Variants in BABAM2 observed in about 807,000 individuals in gnomAD.
The protein encoded by BABAM2 is BRISC and BRCA1 A complex member 2.
A neutral mutation model predicts 54.7 loss-of-function variants in BABAM2; 31 were observed. The observed-to-expected ratio is 0.57, with a 90% CI of 0.43 to 0.77. BABAM2 has a LOEUF of 0.77. Among genes scored for constraint, BABAM2 ranks in the 30% least tolerant of loss-of-function variants. The probability of loss-of-function intolerance (pLI) is 0.00; values close to 1 mark genes in which losing one functional copy is unlikely to be tolerated. For missense variants in BABAM2, 364 were observed against 455.8 expected, an observed-to-expected ratio of 0.80 and a Z score of 1.83; for synonymous variants, 167 against 162.9, an observed-to-expected ratio of 1.03 and a Z score of -0.19.
At chr2:28,068,420 T>C (rs1250773975) in intron 6 of BABAM2, among the ~76,000 whole-genome samples, 1 of 152,164 alleles carries the variant, frequency 6.6e-6, no homozygotes, top group Non-Finnish European at 1.5e-5. Context: ...AATACTGAGT[T>C]TATAACTCTG....
chr2:28,066,036 G>A (rs1012730342), intron 6 of BABAM2, among the ~76,000 whole-genome samples: 1 of 150,220 alleles, frequency 6.7e-6, no homozygotes. Flanking sequence ...ACACATGCCT[G>A]TAGTCCCAGC....
intron 3 of BABAM2, among the ~76,000 whole-genome samples, chr2:27,972,969 T>C (rs1671331896): frequency 6.6e-6 from 1 of 151,938 alleles, no homozygotes; most frequent in South Asian, 2.1e-4. Flanking sequence ...GATTTCATCA[T>C]GTTGGCCAGG....
chr2:28,196,321 C>CGTCTCAAAAAAAA lies in BABAM2; in HGVS notation c.681-40881_681-40880insGTCTCAAAAAAAA, dbSNP rs1360883175. Reference sequence around the variant, plus strand: ...CAGCCTGGGCAACAGAGCAAGACTCCATATAAAAAAAAAATGAATTTTTTA... The same window carrying CGTCTCAAAAAAAA: ...CAGCCTGGGCAACAGAGCAAGACTCCGTCTCAAAAAAAAATATAAAAAAAAAATGAATTTTTTA... On this transcript the variant is annotated intron_variant, in intron 7 of 11. Coordinates refer to ENST00000379624, the MANE Select transcript of BABAM2 (RefSeq NM_199191.3). Among the ~76,000 whole-genome samples, 6 of 107,684 alleles carry CGTCTCAAAAAAAA rather than the reference C, an allele frequency of 5.6e-5. 1 individual carries two copies. Among genetic ancestry groups the CGTCTCAAAAAAAA allele is most frequent in the Non-Finnish European group, 1.2e-4 (5 of 40,928 alleles). The allele number at this position is 107,684 out of a possible 152,430, so 70.6% of individuals were successfully genotyped here.
At chr2:28,183,551 C>T (rs1392716636) in intron 7 of BABAM2, among the ~76,000 whole-genome samples, 2 of 152,084 alleles carry the variant, frequency 1.3e-5, no homozygotes, top group Non-Finnish European at 2.9e-5. Flanking sequence ...GATGATGGTG[C>T]CTGGGCTTAC....
chr2:27,926,672 C>T (rs1035761206), intron 2 of BABAM2, among the ~76,000 whole-genome samples: 3 of 152,068 alleles, frequency 2.0e-5, no homozygotes, highest in Non-Finnish European at 2.9e-5. Flanking sequence ...TACCATGAGA[C>T]GGTAGATCTT....
intron 11 of BABAM2, chr2:28,327,439 A>T: frequency 6.3e-7 from 1 of 1,589,908 alleles, no homozygotes; most frequent in Non-Finnish European, 8.5e-7. Flanking sequence ...AGTAATTTTG[A>T]TCACTTTGGT....
At chr2:28,291,091 T>G (rs992990471) in intron 10 of BABAM2, among the ~76,000 whole-genome samples, 1 of 152,208 alleles carries the variant, frequency 6.6e-6, no homozygotes, top group African/African-American at 2.4e-5. Flanking sequence ...TAGAAATTAT[T>G]ATCCTCATTT....
intron 4 of BABAM2, among the ~76,000 whole-genome samples, chr2:28,013,653 T>C (rs1469867558): frequency 7.1e-6 from 1 of 141,118 alleles, no homozygotes; most frequent in African/African-American, 2.7e-5. Context: ...CTGATTGATT[T>C]TGTCCAGCAA....
chr2:27,927,422 G>T (rs1286281944), intron 2 of BABAM2, among the ~76,000 whole-genome samples: 1 of 152,138 alleles, frequency 6.6e-6, no homozygotes. Context: ...TAAATTTAAA[G>T]CATTGCAGTT....
At chr2:27,957,372 T>C in intron 3 of BABAM2, among the ~76,000 whole-genome samples, 1 of 152,192 alleles carries the variant, frequency 6.6e-6, no homozygotes, top group East Asian at 1.9e-4. Flanking sequence ...CATCATAATC[T>C]TTCCAGCATT....
At chr2:28,160,096 A>T (rs776131335) in intron 7 of BABAM2, among the ~76,000 whole-genome samples, 15 of 152,048 alleles carry the variant, frequency 9.9e-5, no homozygotes, top group Non-Finnish European at 1.9e-4. Context: ...ATCCTCCTCC[A>T]TGAGCCTTCC....
At chr2:28,001,012 T>C (rs1673541112) in intron 4 of BABAM2, among the ~76,000 whole-genome samples, 1 of 152,226 alleles carries the variant, frequency 6.6e-6, no homozygotes, top group South Asian at 2.1e-4. Flanking sequence ...GTCCTTTTTA[T>C]TGGAGAAAGG....
intron 2 of BABAM2, among the ~76,000 whole-genome samples, chr2:27,917,244 T>G (rs1667046092): frequency 6.6e-6 from 1 of 152,036 alleles, no homozygotes; most frequent in South Asian, 2.1e-4. Context: ...TCTTGATCTC[T>G]TGACCTCATG....
chr2:28,056,738 T>C (rs552100559), intron 6 of BABAM2, among the ~76,000 whole-genome samples: 3 of 152,354 alleles, frequency 2.0e-5, no homozygotes, highest in African/African-American at 7.2e-5. Flanking sequence ...ATTAATTATT[T>C]TGACCACTAA....
intron 7 of BABAM2, among the ~76,000 whole-genome samples, chr2:28,189,642 T>C (rs1676689359): frequency 6.6e-6 from 1 of 152,078 alleles, no homozygotes; most frequent in African/African-American, 2.4e-5. Context: ...CCTAAATAAA[T>C]AGAGAAATAT....
intron 11 of BABAM2, among the ~76,000 whole-genome samples, chr2:28,307,404 T>G (rs78792428): frequency 9.7e-5 from 14 of 144,140 alleles, no homozygotes; most frequent in African/African-American, 3.3e-4. Flanking sequence ...TTGGTTTGGG[T>G]TTTTTTTTTT....
intron 3 of BABAM2, among the ~76,000 whole-genome samples, chr2:27,948,291 A>T (rs150410075): frequency 1.2e-3 from 173 of 150,122 alleles, no homozygotes; most frequent in African/African-American, 4.2e-3. Context: ...TTATCTATTG[A>T]TGTTATATCC....
At chr2:27,915,926 C>G (rs1666937078) in intron 2 of BABAM2, among the ~76,000 whole-genome samples, 1 of 152,154 alleles carries the variant, frequency 6.6e-6, no homozygotes, top group Non-Finnish European at 1.5e-5. Flanking sequence ...TCTATTCTTT[C>G]CTTTACTCTG....
At position 27,985,057 on chromosome 2, in the gene BABAM2, ATGTG is replaced by A. The variant is rs35552031; in HGVS notation, c.206-2898_206-2895del. Among the ~76,000 whole-genome samples, 634 of 137,498 alleles carry A rather than the reference ATGTG, an allele frequency of 4.6e-3. 4 individuals carry two copies. The highest frequency in any genetic ancestry group is 8.7e-3 in the African/African-American group (318 of 36,420). 90.2% of individuals were successfully genotyped at this position (137,498 alleles called of 152,430 possible). A position where few individuals can be genotyped will look rare whatever the true frequency, so the allele number is the denominator to read the frequency against. On this transcript the variant is annotated intron_variant, in intron 3 of 11. Coordinates refer to ENST00000379624, the MANE Select transcript of BABAM2 (RefSeq NM_199191.3). ...TTTTATGGCTTAGTAGTATTCCATG[ATGTG>A]TGTGTGTGTGTGTGTGTGTGTGTGT...
Sources: allele counts gnomAD v4.1 joint callset (sites outside exome capture counted in the v4.1 genomes callset), GRCh38; gene constraint gnomAD v4.1.1; transcripts MANE v1.5; gene names NCBI Gene and HGNC (gene_info 2026-07-23, HGNC 2026-07-21).